The following LRRK2 variants were observed in gnomAD, a reference collection of about 807,000 sequenced individuals.
The protein encoded by LRRK2 is leucine-rich repeat serine/threonine-protein kinase 2.
A neutral mutation model predicts 302.6 loss-of-function variants in LRRK2; 203 were observed. The ratio of observed to expected loss-of-function variants is 0.67; its 90% confidence interval spans 0.60 to 0.75. The LOEUF (loss-of-function observed/expected upper bound fraction) is 0.75. Among genes scored for constraint, LRRK2 ranks in the 30% least tolerant of loss-of-function variants. The probability of loss-of-function intolerance (pLI) is 0.00; values close to 1 mark genes in which losing one functional copy is unlikely to be tolerated. For synonymous variants in LRRK2, 1,066 were observed against 1,031.9 expected, an observed-to-expected ratio of 1.03 and a Z score of -0.63; for missense variants, 2,830 against 2,951.0, an observed-to-expected ratio of 0.96 and a Z score of 0.95.
chr12:40,309,610 A>G (rs1025994163), intron 30 of LRRK2, among the ~76,000 whole-genome samples: 4 of 152,106 alleles, frequency 2.6e-5, no homozygotes, highest in Non-Finnish European at 4.4e-5. Context: ...CTTTGTACTC[A>G]GGGGCCATTT....
At chr12:40,240,303 G>A (rs1430751298) in intron 5 of LRRK2, among the ~76,000 whole-genome samples, 180 bp from the exon 6 acceptor site, 1 of 152,130 alleles carries the variant, frequency 6.6e-6, no homozygotes. Flanking sequence ...TTGAATCTCC[G>A]TAGCTTGTTT....
At chr12:40,239,345 T>C (rs1941622082) in intron 5 of LRRK2, among the ~76,000 whole-genome samples, 1 of 152,164 alleles carries the variant, frequency 6.6e-6, no homozygotes, top group South Asian at 2.1e-4. Context: ...TGTATAAATG[T>C]TCTATCTTGC....
chr12:40,332,923 T>TA (rs1202255690), intron 39 of LRRK2, among the ~76,000 whole-genome samples: 6 of 121,940 alleles, frequency 4.9e-5, no homozygotes, highest in South Asian at 2.4e-4. Flanking sequence ...TGGAAGAAAT[T>TA]AAAAAAAAAG....
chr12:40,295,065 C>G (rs1944326888), intron 22 of LRRK2, 151 bp downstream of exon 22: 2 of 594,516 alleles, frequency 3.4e-6, no homozygotes, highest in Non-Finnish European at 6.0e-6. Context: ...CTTCCATAAG[C>G]TATAGAAAAA....
At chr12:40,299,698 GTA>G (rs1178898828) in intron 25 of LRRK2, among the ~76,000 whole-genome samples, 2 of 152,116 alleles carry the variant, frequency 1.3e-5, no homozygotes, top group African/African-American at 4.8e-5. Context: ...AGAATGTGCA[GTA>G]TAAAGAATGA....
At chr12:40,251,166 AG>A in intron 8 of LRRK2, 65 bp from the exon 9 acceptor site, 1 of 1,075,718 alleles carries the variant, frequency 9.3e-7, no homozygotes, top group Admixed American at 2.2e-5. Flanking sequence ...ATGGACTTAG[AG>A]TTGGTCAAAC....
intron 20 of LRRK2, among the ~76,000 whole-genome samples, chr12:40,289,981 G>A (rs1944079079): frequency 6.6e-6 from 1 of 151,810 alleles, no homozygotes; most frequent in Non-Finnish European, 1.5e-5. Context: ...AATAGAATTG[G>A]TCAGACTGGG....
intron 46 of LRRK2, among the ~76,000 whole-genome samples, chr12:40,357,152 C>T (rs1367379415): frequency 6.6e-6 from 1 of 152,150 alleles, no homozygotes; most frequent in Non-Finnish European, 1.5e-5. Context: ...ATGAGATCAA[C>T]TTTTTTAGCT....
intron 27 of LRRK2, 173 bp downstream of exon 27, chr12:40,304,307 G>A (rs1944731593): frequency 1.6e-6 from 1 of 636,936 alleles, no homozygotes; most frequent in South Asian, 2.1e-5. Flanking sequence ...TTAAAAATAA[G>A]AACAGCTACT....
intron 46 of LRRK2, 133 bp from the exon 47 acceptor site, chr12:40,359,127 G>A (rs1208804150): frequency 1.3e-6 from 1 of 764,004 alleles, no homozygotes; most frequent in Non-Finnish European, 2.1e-6. Flanking sequence ...GAATCTTTAG[G>A]TTTTTGAGTT....
intron 44 of LRRK2, among the ~76,000 whole-genome samples, chr12:40,353,337 C>T (rs1202461770): frequency 6.7e-6 from 1 of 149,820 alleles, no homozygotes; most frequent in East Asian, 2.0e-4. Flanking sequence ...CTCCTCACCT[C>T]CCAGACAGGG....
At chr12:40,316,007 G>A (rs1323840155) in intron 33 of LRRK2, among the ~76,000 whole-genome samples, 4 of 151,826 alleles carry the variant, frequency 2.6e-5, no homozygotes, top group South Asian at 2.1e-4. Flanking sequence ...CTTTATATTC[G>A]AGACGTAAGT....
chr12:40,262,609 T>TTA (rs1260268041), intron 13 of LRRK2, among the ~76,000 whole-genome samples: 1 of 152,174 alleles, frequency 6.6e-6, no homozygotes, highest in African/African-American at 2.4e-5. Context: ...AAAGGACTGT[T>TTA]ATGTAGAAAG....
intron 20 of LRRK2, among the ~76,000 whole-genome samples, chr12:40,288,537 A>G (rs1347850347): frequency 6.6e-6 from 1 of 151,796 alleles, no homozygotes; most frequent in Admixed American, 6.6e-5. Context: ...GTTTTCCAAA[A>G]TGATTGTACT....
At chr12:40,283,740 A>C in intron 18 of LRRK2, 135 bp from the exon 19 acceptor site, 1 of 680,724 alleles carries the variant, frequency 1.5e-6, no homozygotes, top group Non-Finnish European at 2.4e-6. Flanking sequence ...TTCAAGGATC[A>C]GTTTTGCCTT....
intron 34 of LRRK2, 113 bp from the exon 35 acceptor site, chr12:40,320,921 A>G: frequency 2.3e-6 from 3 of 1,295,988 alleles, no homozygotes; most frequent in Non-Finnish European, 3.3e-6. Context: ...TTACAAAAAG[A>G]TTACAATTGT....
At chr12:40,298,858 A>G in intron 24 of LRRK2, among the ~76,000 whole-genome samples, 17 of 114,098 alleles carry the variant, frequency 1.5e-4, no homozygotes, top group Non-Finnish European at 2.5e-4. Flanking sequence ...TATAATACCT[A>G]TATATTATAT....
At chr12:40,307,434 T>C (rs1361433771) in intron 28 of LRRK2, among the ~76,000 whole-genome samples, 1 of 152,066 alleles carries the variant, frequency 6.6e-6, no homozygotes, top group Non-Finnish European at 1.5e-5. Context: ...TTAAAGGTGG[T>C]TTTTTAGCTA....
At position 40,243,898 on chromosome 12, in the gene LRRK2, A is replaced by G. The variant is rs550032135; in HGVS notation, c.838+217A>G. 2.0e-5 allele frequency among the ~76,000 whole-genome samples: 3 copies of G among 152,270 alleles called. No homozygotes were observed. In the South Asian group the frequency reaches 6.2e-4, roughly 32 times the overall value. On this transcript the variant is annotated intron_variant, in intron 7 of 50. Coordinates refer to ENST00000298910, the MANE Select transcript of LRRK2 (RefSeq NM_198578.4). ...AGATGGACTTTTAAAAGGAGTGTCA[A>G]AAATAGATGTGTAGAATGTAAAAGA...
Sources: allele counts gnomAD v4.1 joint callset (sites outside exome capture counted in the v4.1 genomes callset), GRCh38; gene constraint gnomAD v4.1.1; transcripts MANE v1.5; gene names NCBI Gene and HGNC (gene_info 2026-07-23, HGNC 2026-07-21).